Variants in KCNN3 observed in about 807,000 individuals in gnomAD.
KCNN3 encodes the protein potassium calcium-activated channel subfamily N member 3, also known as small conductance calcium-activated potassium channel protein 3.
A neutral mutation model predicts 62.9 loss-of-function variants in KCNN3; 16 were observed. The ratio of observed to expected loss-of-function variants is 0.25; its 90% CI spans 0.17 to 0.39. KCNN3 has a LOEUF of 0.39. Among genes scored for constraint, KCNN3 ranks in the 10% least tolerant of loss-of-function variants. KCNN3 has a pLI of 1.00. For missense variants in KCNN3, 599 were observed against 949.4 expected, an observed-to-expected ratio of 0.63 and a Z score of 4.85; for synonymous variants, 370 against 389.2, an observed-to-expected ratio of 0.95 and a Z score of 0.58.
At chr1:154,739,474 A>G (rs1173174190) in intron 3 of KCNN3, among the ~76,000 whole-genome samples, 6 of 152,272 alleles carry the variant, frequency 3.9e-5, no homozygotes, top group Non-Finnish European at 7.3e-5. Context: ...AGGCAGGATT[A>G]CCTAAGCAAT....
chr1:154,755,542 G>GAAA, intron 3 of KCNN3, among the ~76,000 whole-genome samples: 1 of 96,996 alleles, frequency 1.0e-5, no homozygotes, highest in South Asian at 4.5e-4. Flanking sequence ...AGAAAGGAAA[G>GAAA]GAAGGAAGGA....
chr1:154,700,644 T>C lies in KCNN3; in HGVS notation c.*7332A>G, dbSNP rs967298620. On this transcript the variant is annotated 3_prime_UTR_variant, in exon 8 of 8. Coordinates refer to ENST00000271915, the MANE Select transcript of KCNN3 (RefSeq NM_002249.6). ...GATGAAACCCTGTCTCTACTAAAAA[T>C]ACAAAAAAATTAGCTGGTCGTGGTG... is the stretch of plus-strand genomic sequence containing the variant. 2 of 151,750 alleles carry C rather than the reference T, an allele frequency of 1.3e-5. No individual in the cohort carries two copies. Among genetic ancestry groups the C allele is most frequent in the African/African-American group, 2.4e-5 (1 of 41,270 alleles). The allele number at this position is 151,750 out of a possible 1,614,324, so 9.4% of individuals were successfully genotyped here. A position where few individuals can be genotyped will look rare whatever the true frequency, so the allele number is the denominator to read the frequency against.
At chr1:154,745,605 A>G (rs1049129359) in intron 3 of KCNN3, among the ~76,000 whole-genome samples, 10 of 152,116 alleles carry the variant, frequency 6.6e-5, no homozygotes, top group Non-Finnish European at 1.3e-4. Flanking sequence ...CAACTTCTCC[A>G]CCTTGCAAAT....
chr1:154,743,052 A>T (rs1401262753), intron 3 of KCNN3, among the ~76,000 whole-genome samples: 2 of 152,104 alleles, frequency 1.3e-5, no homozygotes, highest in Non-Finnish European at 2.9e-5. Context: ...CTGCTTTCAA[A>T]ATATCTCCAG....
At chr1:154,791,948 C>T (rs536137965) in intron 2 of KCNN3, among the ~76,000 whole-genome samples, 33 of 152,338 alleles carry the variant, frequency 2.2e-4, no homozygotes, top group African/African-American at 6.7e-4. Flanking sequence ...TCTGTAAAAG[C>T]ATCCTTCTGC....
rs75871820 is a variant in KCNN3 at position 154,784,766 on chromosome 1, T to C, written c.1030-12373A>G. Among the ~76,000 whole-genome samples, 29 of 152,386 alleles carry C rather than the reference T, an allele frequency of 1.9e-4. No individual in the cohort carries two copies. In the East Asian group the frequency reaches 5.6e-3, roughly 29 times the overall value. ...CCTCACTGTGCACCAGGTCCTGTGC[T>C]GTGTGCCTTACAGGCACCATCTCAT... On this transcript the variant is annotated intron_variant, in intron 2 of 7. Coordinates refer to ENST00000271915, the MANE Select transcript of KCNN3 (RefSeq NM_002249.6).
chr1:154,801,519 C>G (rs997537591), intron 2 of KCNN3, among the ~76,000 whole-genome samples: 1 of 152,184 alleles, frequency 6.6e-6, no homozygotes, highest in East Asian at 1.9e-4. Context: ...GCTCCCACCC[C>G]CTGAAAGAAG....
intron 1 of KCNN3, among the ~76,000 whole-genome samples, chr1:154,850,267 C>G (rs149111760): frequency 2.0e-5 from 3 of 152,330 alleles, no homozygotes; most frequent in Non-Finnish European, 2.9e-5. Flanking sequence ...CCCAATGAAA[C>G]AGATAAACTC....
At chr1:154,727,142 A>G (rs1029164678) in intron 4 of KCNN3, among the ~76,000 whole-genome samples, 2 of 152,246 alleles carry the variant, frequency 1.3e-5, no homozygotes, top group African/African-American at 2.4e-5. Context: ...GTCAGAGACC[A>G]TCGCCCTCTG....
At chr1:154,779,400 GT>G (rs1394596264) in intron 2 of KCNN3, among the ~76,000 whole-genome samples, 4 of 152,072 alleles carry the variant, frequency 2.6e-5, no homozygotes, top group African/African-American at 9.7e-5. Context: ...ACTCCACTCA[GT>G]TATATTTGCT....
chr1:154,841,991 C>A (rs1364190113), intron 1 of KCNN3, among the ~76,000 whole-genome samples: 1 of 152,222 alleles, frequency 6.6e-6, no homozygotes, highest in Non-Finnish European at 1.5e-5. Flanking sequence ...TGAGCGAGGG[C>A]ACGACAGAGG....
At chr1:154,753,826 T>A (rs1001185029) in intron 3 of KCNN3, among the ~76,000 whole-genome samples, 3 of 152,156 alleles carry the variant, frequency 2.0e-5, no homozygotes, top group Non-Finnish European at 4.4e-5. Flanking sequence ...TTACTTCCTA[T>A]CTACAGATCC....
intron 1 of KCNN3, among the ~76,000 whole-genome samples, chr1:154,855,957 C>T (rs943185704): frequency 6.6e-6 from 1 of 152,164 alleles, no homozygotes; most frequent in Non-Finnish European, 1.5e-5. Context: ...GCCAAGGGTC[C>T]TTGAGTCAGA....
chr1:154,792,588 G>C (rs1008470865), intron 2 of KCNN3, among the ~76,000 whole-genome samples: 1 of 152,214 alleles, frequency 6.6e-6, no homozygotes, highest in Admixed American at 6.5e-5. Context: ...CCTTATTCCA[G>C]TTTAACTGGT....
intron 5 of KCNN3, among the ~76,000 whole-genome samples, chr1:154,717,019 T>C (rs1015043206): frequency 6.6e-6 from 1 of 152,224 alleles, no homozygotes; most frequent in East Asian, 1.9e-4. Context: ...ATCCCTGCTC[T>C]GTCAATTATT....
chr1:154,767,285 C>T (rs1314894394), intron 3 of KCNN3, among the ~76,000 whole-genome samples: 3 of 152,130 alleles, frequency 2.0e-5, no homozygotes, highest in South Asian at 2.1e-4. Flanking sequence ...AAAAGTTAAC[C>T]AGCAAAATAA....
chr1:154,715,738 C>G (rs1398126534), intron 5 of KCNN3, among the ~76,000 whole-genome samples: 2 of 152,150 alleles, frequency 1.3e-5, no homozygotes, highest in East Asian at 3.8e-4. Flanking sequence ...AAATAGCTAG[C>G]GATATACCAT....
intron 1 of KCNN3, chr1:154,868,290 G>C (rs1179047450): frequency 1.0e-6 from 1 of 985,568 alleles, no homozygotes; most frequent in East Asian, 1.1e-4. Context: ...AGATGTTTAC[G>C]AAGCAGCAGC....
At chr1:154,848,876 AGCCCGAAC>A (rs1652193133) in intron 1 of KCNN3, among the ~76,000 whole-genome samples, 1 of 152,170 alleles carries the variant, frequency 6.6e-6, no homozygotes, top group Non-Finnish European at 1.5e-5. Flanking sequence ...GAGTTACGGC[AGCCCGAAC>A]ACCCCCTCAG....
Sources: gnomAD v4.1 joint callset for allele counts (sites outside exome capture counted in the v4.1 genomes callset) on GRCh38, gnomAD v4.1.1 for gene constraint, MANE v1.5 for transcripts, NCBI Gene and HGNC (gene_info 2026-07-23, HGNC 2026-07-21) for gene names.